Variants in CSMD1 observed in about 807,000 individuals in gnomAD.
CSMD1 encodes the protein CUB and Sushi multiple domains 1.
In CSMD1, 213 loss-of-function variants were observed where a neutral mutation model predicts 417.5. The ratio of observed to expected loss-of-function variants is 0.51; its 90% CI spans 0.46 to 0.57. The LOEUF is 0.57. Among genes scored for constraint, CSMD1 ranks in the 20% least tolerant of loss-of-function variants. The probability of loss-of-function intolerance (pLI) is 0.00; values close to 1 mark genes in which losing one functional copy is unlikely to be tolerated. For missense variants in CSMD1, 6,923 were observed against 4,529.7 expected (o/e 1.53, Z -15.17); for synonymous variants, 2,862 against 1,736.8 (o/e 1.65, Z -16.11).
chr8:4,427,537 A>C (rs1797633946), intron 2 of CSMD1, among the ~76,000 whole-genome samples: 1 of 152,054 alleles, frequency 6.6e-6, no homozygotes, highest in African/African-American at 2.4e-5. Context: ...ACACACAGTG[A>C]ATCATGTGAG....
At chr8:3,907,793 C>G (rs576046817) in intron 5 of CSMD1, among the ~76,000 whole-genome samples, 1 of 152,182 alleles carries the variant, frequency 6.6e-6, no homozygotes, top group East Asian at 1.9e-4. Flanking sequence ...ACCCGCTGCT[C>G]GTATCAAACA....
chr8:2,983,305 G>A (rs1805583883), intron 54 of CSMD1, among the ~76,000 whole-genome samples: 1 of 151,934 alleles, frequency 6.6e-6, no homozygotes, highest in South Asian at 2.1e-4. Flanking sequence ...TCCTGCCTCA[G>A]CCTCCCGAGT....
At chr8:4,664,138 C>G (rs1351498063) in intron 1 of CSMD1, among the ~76,000 whole-genome samples, 1 of 152,160 alleles carries the variant, frequency 6.6e-6, no homozygotes, top group South Asian at 2.1e-4. Context: ...GACAGGTACA[C>G]CAGCTGGTAA....
intron 4 of CSMD1, among the ~76,000 whole-genome samples, chr8:4,029,944 G>T (rs1797256329): frequency 1.3e-5 from 2 of 152,138 alleles, no homozygotes; most frequent in Non-Finnish European, 2.9e-5. Context: ...AATCCAGTGG[G>T]GCAGTCAAAT....
At chr8:3,602,144 T>C (rs576409304) in intron 8 of CSMD1, among the ~76,000 whole-genome samples, 3 of 152,204 alleles carry the variant, frequency 2.0e-5, no homozygotes, top group African/African-American at 7.2e-5. Context: ...GGATGCTAAA[T>C]TCTATATTAT....
intron 2 of CSMD1, among the ~76,000 whole-genome samples, chr8:4,583,786 T>A (rs1024770243): frequency 6.6e-6 from 1 of 152,000 alleles, no homozygotes; most frequent in Non-Finnish European, 1.5e-5. Flanking sequence ...TGGGGCCAGA[T>A]AAGAGAATAA....
intron 2 of CSMD1, among the ~76,000 whole-genome samples, chr8:4,425,455 A>C (rs1314142748): frequency 3.3e-5 from 5 of 152,054 alleles, no homozygotes; most frequent in Admixed American, 6.6e-5. Flanking sequence ...AATTGATCAT[A>C]AAGAGCTTTC....
chr8:3,776,765 G>C (rs1398278719), intron 5 of CSMD1, among the ~76,000 whole-genome samples: 1 of 135,186 alleles, frequency 7.4e-6, no homozygotes, highest in East Asian at 2.3e-4. Context: ...AAAAGATACA[G>C]AGATGATAGA....
intron 7 of CSMD1, among the ~76,000 whole-genome samples, chr8:3,684,983 A>G (rs1382903243): frequency 1.3e-5 from 2 of 152,158 alleles, no homozygotes; most frequent in East Asian, 3.9e-4. Flanking sequence ...GAAAGTCAAT[A>G]CGGGAATCAA....
chr8:3,873,375 A>T (rs1307869461), intron 5 of CSMD1, among the ~76,000 whole-genome samples: 3 of 145,642 alleles, frequency 2.1e-5, no homozygotes, highest in Admixed American at 2.0e-4. Flanking sequence ...ATCAAGACAT[A>T]AAAAAAAATG....
intron 3 of CSMD1, among the ~76,000 whole-genome samples, chr8:4,086,224 T>C (rs1342789647): frequency 6.6e-6 from 1 of 152,160 alleles, no homozygotes; most frequent in African/African-American, 2.4e-5. Context: ...ATCACTCTTC[T>C]GGTACATCTT....
chr8:3,726,451 G>C (rs1032114257), intron 6 of CSMD1, among the ~76,000 whole-genome samples: 1 of 152,200 alleles, frequency 6.6e-6, no homozygotes, highest in South Asian at 2.1e-4. Flanking sequence ...GGGGTCAGCA[G>C]GTATTGAATG....
chr8:3,999,776 G>A lies in CSMD1; in HGVS notation c.611-1666C>T, dbSNP rs573534903. On this transcript the variant is annotated intron_variant, in intron 4 of 69. Coordinates refer to ENST00000635120, the MANE Select transcript of CSMD1 (RefSeq NM_033225.6). ...CTTGGAGGAAAATTACTACCTTCAA[G>A]TATGAACGAAATCAAGACTACATGA... 4.6e-5 allele frequency among the ~76,000 whole-genome samples: 7 copies of A among 152,248 alleles called. No individual in the cohort carries two copies. In the East Asian group the frequency reaches 5.8e-4, roughly 13 times the overall value.
At chr8:4,791,125 G>A (rs1167706420) in intron 1 of CSMD1, among the ~76,000 whole-genome samples, 2 of 141,252 alleles carry the variant, frequency 1.4e-5, no homozygotes, top group Non-Finnish European at 3.1e-5. Context: ...AGACGGGGAG[G>A]GAGAAACTTT....
intron 12 of CSMD1, among the ~76,000 whole-genome samples, chr8:3,442,494 G>C (rs59495626): frequency 0.13 from 19,116 of 151,990 alleles, 1,563 homozygotes; most frequent in East Asian, 0.29. Flanking sequence ...ACATATGTTC[G>C]ATACACAAAT....
rs577072718 is a variant in CSMD1, at chr8:3,021,811, G to A, written c.7856-3161C>T. On this transcript the variant is annotated intron_variant, in intron 51 of 69. Coordinates refer to ENST00000635120, the MANE Select transcript of CSMD1 (RefSeq NM_033225.6). ...CATCCATAGCATCTGGAATGCACCC[G>A]CAATCCCACAGCATCCGGAATGCAC... Among the ~76,000 whole-genome samples, 4 of 143,262 alleles carry A rather than the reference G, an allele frequency of 2.8e-5. No individual in the cohort carries two copies. In the East Asian group the frequency reaches 6.3e-4, roughly 23 times the overall value. 94.0% of individuals were successfully genotyped at this position (143,262 alleles called of 152,430 possible).
chr8:3,563,445 A>T (rs1308593305), intron 10 of CSMD1, among the ~76,000 whole-genome samples: 1 of 146,314 alleles, frequency 6.8e-6, no homozygotes, highest in Admixed American at 6.8e-5. Context: ...TAAAAGGTAA[A>T]AAAAAAAAAA....
intron 7 of CSMD1, among the ~76,000 whole-genome samples, chr8:3,626,744 T>A (rs1407101793): frequency 1.1e-4 from 16 of 150,732 alleles, no homozygotes; most frequent in Non-Finnish European, 5.9e-5. Context: ...TTTATTACTT[T>A]TATATATATT....
chr8:3,126,290 G>T (rs1309744059), intron 41 of CSMD1, among the ~76,000 whole-genome samples: 1 of 152,174 alleles, frequency 6.6e-6, no homozygotes, highest in East Asian at 1.9e-4. Context: ...GGAAAGAATT[G>T]TCTAGTTTCT....
Sources: allele counts gnomAD v4.1 joint callset (sites outside exome capture counted in the v4.1 genomes callset), GRCh38; gene constraint gnomAD v4.1.1; transcripts MANE v1.5; gene names NCBI Gene and HGNC (gene_info 2026-07-23, HGNC 2026-07-21).